The following AUTS2 variants were observed in gnomAD, a reference collection of about 807,000 sequenced individuals.
The protein encoded by AUTS2 is autism susceptibility gene 2 protein.
Under a neutral mutation model 112.4 loss-of-function variants are expected in AUTS2, and 17 were observed. The observed-to-expected ratio is 0.15, with a 90% CI of 0.10 to 0.23. The LOEUF is 0.23. Among genes scored for constraint, AUTS2 ranks in the 10% least tolerant of loss-of-function variants. The pLI, the probability that AUTS2 is intolerant of heterozygous loss-of-function variation, is 1.00. For missense variants in AUTS2, 1,510 were observed against 1,701.6 expected (o/e 0.89, Z 1.98); for synonymous variants, 751 against 702.7 (o/e 1.07, Z -1.09).
chr7:70,789,918 G>A lies in AUTS2; in HGVS notation c.2702G>A (p.Arg901His), dbSNP rs138775036. The change falls in exon 19 of 19, where the codon CGC becomes CAC. Residue 901 changes from arginine to histidine, a missense_variant. Transcript: ENST00000342771. Reference protein sequence around the residue: ...KERERDHSESRKDLAADEHKA... With the variant: ...KERERDHSESHKDLAADEHKA... ...AGGGAGAGAGACCACTCGGAATCCC[G>A]CAAGGACCTGGCCGCCGACGAGCAC... The A allele has an allele frequency of 5.6e-5, 90 of 1,614,020 alleles. No individual in the cohort carries two copies. The African/African-American group carries it at 9.9e-4, about 18-fold the overall frequency.
chr7:70,462,968 A>AAG (rs1554405296), intron 5 of AUTS2, among the ~76,000 whole-genome samples: 1 of 152,170 alleles, frequency 6.6e-6, no homozygotes, highest in Non-Finnish European at 1.5e-5. Context: ...AAAAAAAAAA[A>AAG]AAATCTGCTG....
chr7:69,785,877 C>T (rs1272994714), intron 1 of AUTS2, among the ~76,000 whole-genome samples: 1 of 152,182 alleles, frequency 6.6e-6, no homozygotes, highest in Non-Finnish European at 1.5e-5. Flanking sequence ...GTTGCCCAGG[C>T]TGGAGTGCAA....
intron 4 of AUTS2, among the ~76,000 whole-genome samples, chr7:70,186,362 C>T (rs1370140165): frequency 6.6e-6 from 1 of 151,978 alleles, no homozygotes; most frequent in East Asian, 1.9e-4. Context: ...TTGATAAAGT[C>T]TCTTTTCAGC....
intron 4 of AUTS2, among the ~76,000 whole-genome samples, chr7:70,139,267 G>GTATTTAGAAGTT (rs1201074736): frequency 6.6e-6 from 1 of 152,084 alleles, no homozygotes; most frequent in East Asian, 1.9e-4. Flanking sequence ...ATGCCTGGCT[G>GTATTTAGAAGTT]TATAACTTCT....
chr7:70,417,619 C>G (rs1177135713), intron 4 of AUTS2, among the ~76,000 whole-genome samples: 1 of 152,152 alleles, frequency 6.6e-6, no homozygotes, highest in Non-Finnish European at 1.5e-5. Flanking sequence ...GGTTCAGAAG[C>G]TTTGGAAATA....
intron 6 of AUTS2, among the ~76,000 whole-genome samples, chr7:70,754,740 TAA>T (rs1273002661): frequency 6.6e-6 from 1 of 152,200 alleles, no homozygotes; most frequent in African/African-American, 2.4e-5. Context: ...GATGGAATAA[TAA>T]AAATAGGACA....
intron 4 of AUTS2, among the ~76,000 whole-genome samples, chr7:70,337,172 G>A (rs1448150548): frequency 6.6e-6 from 1 of 152,168 alleles, no homozygotes; most frequent in East Asian, 1.9e-4. Flanking sequence ...GGAAAGCAGT[G>A]ATCAGATTCG....
At chr7:70,006,428 G>A (rs1799547135) in intron 2 of AUTS2, among the ~76,000 whole-genome samples, 1 of 151,958 alleles carries the variant, frequency 6.6e-6, no homozygotes, top group South Asian at 2.1e-4. Context: ...ACAAAGCTAC[G>A]GAAATGTGAG....
At chr7:70,661,818 C>A (rs781766762) in intron 5 of AUTS2, among the ~76,000 whole-genome samples, 1 of 152,042 alleles carries the variant, frequency 6.6e-6, no homozygotes, top group Non-Finnish European at 1.5e-5. Context: ...CCAGCACTGA[C>A]CTCAGGTTTA....
At chr7:70,633,212 T>C (rs1805360687) in intron 5 of AUTS2, among the ~76,000 whole-genome samples, 1 of 152,040 alleles carries the variant, frequency 6.6e-6, no homozygotes, top group Non-Finnish European at 1.5e-5. Flanking sequence ...TCCCCCCACC[T>C]CTTCACTCTG....
chr7:70,072,852 C>G (rs968083772), intron 2 of AUTS2, among the ~76,000 whole-genome samples: 1 of 152,186 alleles, frequency 6.6e-6, no homozygotes, highest in African/African-American at 2.4e-5. Context: ...ATCATTACCC[C>G]CATTTCAAAG....
At chr7:70,611,918 C>CTAAT (rs1326347197) in intron 5 of AUTS2, among the ~76,000 whole-genome samples, 1 of 152,198 alleles carries the variant, frequency 6.6e-6, no homozygotes, top group Non-Finnish European at 1.5e-5. Context: ...GAGTCGTACT[C>CTAAT]ATTAGAGTAG....
intron 1 of AUTS2, among the ~76,000 whole-genome samples, chr7:69,871,511 G>A (rs1287634975): frequency 5.3e-5 from 8 of 152,162 alleles, no homozygotes; most frequent in African/African-American, 7.2e-5. Flanking sequence ...GGGACAGTAA[G>A]AGAGCTAACA....
At chr7:70,460,884 G>A (rs912426676) in intron 5 of AUTS2, among the ~76,000 whole-genome samples, 11 of 152,064 alleles carry the variant, frequency 7.2e-5, no homozygotes, top group South Asian at 2.1e-4. Flanking sequence ...TGCATTTCTC[G>A]GCTCTGCAAA....
intron 1 of AUTS2, among the ~76,000 whole-genome samples, chr7:69,683,209 C>T (rs907769975): frequency 3.9e-5 from 6 of 152,184 alleles, no homozygotes; most frequent in African/African-American, 1.4e-4. Context: ...CTATCCTAGT[C>T]TTTTAATATG....
In AUTS2 at chr7:70,791,195, C is replaced by A; in HGVS notation, c.*199C>A. ...TGTTGAGATTTTTCAGATCTTTTAG[C>A]CCAGTCATATGTTCTCACGTCTCCT... On this transcript the variant is annotated 3_prime_UTR_variant, in exon 19 of 19. Transcript: ENST00000342771. 1.9e-6 allele frequency: 1 copy of A among 516,526 alleles called. No individual in the cohort carries two copies. The highest frequency in any genetic ancestry group is 3.0e-6 in the Non-Finnish European group (1 of 333,414). 32.0% of individuals were successfully genotyped at this position (516,526 alleles called of 1,614,324 possible). A position where few individuals can be genotyped will look rare whatever the true frequency, so the allele number is the denominator to read the frequency against.
chr7:70,784,753 A>C, intron 15 of AUTS2, 189 bp from the exon 16 acceptor site: 1 of 138,062 alleles, frequency 7.2e-6, no homozygotes, highest in Non-Finnish European at 1.7e-5. Flanking sequence ...AAAAAAAAAA[A>C]AAAAAAAAAA....
intron 4 of AUTS2, among the ~76,000 whole-genome samples, chr7:70,399,330 T>A (rs1185183118): frequency 6.6e-6 from 1 of 152,158 alleles, no homozygotes; most frequent in Non-Finnish European, 1.5e-5. Context: ...TGAATTATAT[T>A]CATAGATTTC....
intron 4 of AUTS2, among the ~76,000 whole-genome samples, chr7:70,351,052 C>CTT (rs34943340): frequency 2.2e-5 from 3 of 134,958 alleles, no homozygotes; most frequent in Non-Finnish European, 3.2e-5. Context: ...TTGTCTTCTT[C>CTT]TTTTTTTTTT....
Sources: allele counts gnomAD v4.1 joint callset (sites outside exome capture counted in the v4.1 genomes callset), GRCh38; gene constraint gnomAD v4.1.1; transcripts MANE v1.5; gene names NCBI Gene and HGNC (gene_info 2026-07-23, HGNC 2026-07-21).